Variants in PIGQ observed in about 807,000 individuals in gnomAD.
The protein encoded by PIGQ is phosphatidylinositol N-acetylglucosaminyltransferase subunit Q.
PIGQ carries 54 observed loss-of-function variants against 60.3 expected under a neutral mutation model. That is an observed-to-expected ratio of 0.90 (90% CI 0.72 to 1.12). The LOEUF (loss-of-function observed/expected upper bound fraction) is 1.12, where lower values mean the gene tolerates loss of function less well. Ranked by LOEUF, PIGQ falls within the 50% of genes most tolerant of loss-of-function variation. The pLI, the probability that PIGQ is intolerant of heterozygous loss-of-function variation, is 0.00. For missense variants in PIGQ, 799 were observed against 793.5 expected (o/e 1.01, Z -0.08); for synonymous variants, 416 against 363.7 (o/e 1.14, Z -1.64).
chr16:577,417 A>G (rs544496100), intron 4 of PIGQ, among the ~76,000 whole-genome samples: 73 of 152,096 alleles, frequency 4.8e-4, no homozygotes, highest in South Asian at 1.5e-3. Context: ...CTCTACTAAA[A>G]ATACAAAAAA....
chr16:582,444 G>A (rs1021518809), intron 10 of PIGQ, 135 bp downstream of exon 10: 7 of 666,256 alleles, frequency 1.1e-5, no homozygotes, highest in African/African-American at 7.2e-5. Flanking sequence ...TGGAGCTGAG[G>A]GGGAAGGCCC....
rs754348267 is a variant in PIGQ at position 583,123 on chromosome 16, C to A, written c.*88C>A. The stretch of plus-strand genomic sequence containing the variant: ...TGGCACCAGCTCAGCTGGCGCATGT[C>A]CTGTGCTTTGTGGACGCTGCTGTGT... On this transcript the variant is annotated 3_prime_UTR_variant, in exon 11 of 11. Coordinates refer to ENST00000321878, the MANE Select transcript of PIGQ (RefSeq NM_004204.5). 1 of 1,613,260 alleles carries A rather than the reference C, an allele frequency of 6.2e-7. No homozygotes were observed. Among genetic ancestry groups the A allele is most frequent in the Non-Finnish European group, 8.5e-7 (1 of 1,179,992 alleles).
chr16:580,133 C>G, intron 7 of PIGQ, 50 bp from the exon 8 acceptor site: 2 of 1,482,272 alleles, frequency 1.3e-6, no homozygotes, highest in South Asian at 2.4e-5. Flanking sequence ...CTGGGCCGTC[C>G]CTGGGCGCGG....
chr16:583,623 G>A lies in PIGQ; in HGVS notation c.*588G>A, dbSNP rs960978503. ...TTATTTGCGGATGTTCCCTGGAGAGGTCGCTTTGTGAAGAAACCATCAGCA... is the reference window on the plus strand; with the variant it reads ...TTATTTGCGGATGTTCCCTGGAGAGATCGCTTTGTGAAGAAACCATCAGCA... On this transcript the variant is annotated 3_prime_UTR_variant, in exon 11 of 11. Transcript: ENST00000321878. 6.2e-7 allele frequency: 1 copy of A among 1,612,740 alleles called. No individual in the cohort carries two copies. The highest frequency in any genetic ancestry group is 8.5e-7 in the Non-Finnish European group (1 of 1,179,942).
intron 1 of PIGQ, chr16:572,386 C>A: frequency 2.5e-6 from 1 of 397,398 alleles, no homozygotes; most frequent in Non-Finnish European, 5.0e-6. Context: ...CCTTGAGTGA[C>A]TGGATCCTCC....
intron 10 of PIGQ, 41 bp downstream of exon 10, chr16:582,350 C>T (rs2035827981): frequency 1.4e-6 from 2 of 1,471,454 alleles, no homozygotes; most frequent in Non-Finnish European, 1.9e-6. Context: ...CGCTGCTGCC[C>T]CTGTTCTGGG....
intron 1 of PIGQ, among the ~76,000 whole-genome samples, chr16:571,059 G>C (rs1329576202): frequency 4.5e-5 from 1 of 22,452 alleles, no homozygotes; most frequent in Non-Finnish European, 8.6e-5. Context: ...GTGTGTGTGT[G>C]TGTGTGTGTG....
At chr16:576,398 C>A in intron 4 of PIGQ, 144 bp downstream of exon 4, 1 of 1,020,732 alleles carries the variant, frequency 9.8e-7, no homozygotes. Context: ...CTCCCCTGAA[C>A]CAGAAGCAGG....
rs779696702 is a variant in PIGQ at position 582,211 on chromosome 16, C to T, written c.1532-37C>T. 2.1e-6 allele frequency: 3 copies of T among 1,450,796 alleles called. No individual in the cohort carries two copies. The Admixed American group carries it at 5.6e-5, about 27-fold the overall frequency. 89.9% of individuals were successfully genotyped at this position (1,450,796 alleles called of 1,614,324 possible). On this transcript the variant is annotated intron_variant, in intron 9 of 10. Transcript: ENST00000321878. ...TCTGCTCATGTGTGGGGCCAGCCCC[C>T]ACGCGTCCCCTCGTCAGCCGCTTGC...
At chr16:582,712 C>G (rs1362635618) in intron 10 of PIGQ, 171 bp from the exon 11 acceptor site, 7 of 753,352 alleles carry the variant, frequency 9.3e-6, no homozygotes, top group African/African-American at 1.7e-5. Context: ...GCGCTCCCTT[C>G]TGGCTGCAGG....
intron 1 of PIGQ, among the ~76,000 whole-genome samples, chr16:571,710 C>T (rs2035632770): frequency 1.3e-5 from 2 of 151,682 alleles, no homozygotes; most frequent in African/African-American, 4.9e-5. Context: ...GCTTCTCTTT[C>T]ATCTTCCTCT....
At chr16:576,300 A>C in intron 4 of PIGQ, 46 bp downstream of exon 4, 1 of 1,534,702 alleles carries the variant, frequency 6.5e-7, no homozygotes, top group Non-Finnish European at 8.8e-7. Flanking sequence ...GGGCGTGGGG[A>C]CCCCTCCTGG....
intron 5 of PIGQ, 88 bp from the exon 6 acceptor site, chr16:578,697 C>A (rs144482357): frequency 7.4e-6 from 11 of 1,496,042 alleles, no homozygotes; most frequent in Non-Finnish European, 8.3e-6. Flanking sequence ...CCAGGCTACA[C>A]GCACCTCATG....
chr16:582,458 C>A, intron 10 of PIGQ, 149 bp downstream of exon 10: 1 of 618,392 alleles, frequency 1.6e-6, no homozygotes, highest in Non-Finnish European at 2.8e-6. Context: ...AAGGCCCACG[C>A]GGGACCCCCT....
chr16:580,278 C>CA lies in PIGQ; in HGVS notation c.1416+16dup. ...TGTTCACCCTGGTGAGCTGAGCACC[C>CA]ACAGGCTGGGCCTGGCTGCAGTGCT... On this transcript the variant is annotated intron_variant, in intron 8 of 10. Coordinates refer to ENST00000321878, the MANE Select transcript of PIGQ (RefSeq NM_004204.5). 3.1e-6 allele frequency: 5 copies of CA among 1,589,092 alleles called. No homozygotes were observed. In the South Asian group the frequency reaches 5.6e-5, roughly 18 times the overall value.
At chr16:576,766 G>A (rs1287700638) in intron 4 of PIGQ, 42 of 389,126 alleles carry the variant, frequency 1.1e-4, no homozygotes, top group African/African-American at 4.1e-5. Flanking sequence ...TCTGTGCCCC[G>A]TTTCCAGCCG....
In PIGQ at chr16:571,879, G is replaced by A. The variant is rs564100341; in HGVS notation, c.-10+1783G>A. The stretch of plus-strand genomic sequence containing the variant: ...TAGCTTCTGCCCTCCCATCTCCTTC[G>A]GTAGACACAAGGCACTTTTTTTTTT... On this transcript the variant is annotated intron_variant, in intron 1 of 10. Transcript: ENST00000321878. Among the ~76,000 whole-genome samples the A allele has an allele frequency of 2.0e-5, 3 of 147,038 alleles. No individual in the cohort carries two copies. In the South Asian group the frequency reaches 7.0e-4, roughly 34 times the overall value.
At chr16:579,302 A>G (rs902721897) in intron 7 of PIGQ, 122 bp downstream of exon 7, 12 of 726,030 alleles carry the variant, frequency 1.7e-5, no homozygotes, top group East Asian at 2.7e-5. Context: ...GAGGCCGCGC[A>G]CAGGCCCTGG....
Position 574,071 on chromosome 16 carries a change from C to T in PIGQ, c.-4C>T, listed in dbSNP as rs558277113. ...CCTCTCCTCTTCTCTTCCAGCCTCC[C>T]GGCATGGTGCTCAAGGCCTTCTTCC... is the stretch of plus-strand genomic sequence containing the variant. On this transcript the variant is annotated 5_prime_UTR_variant, in exon 2 of 11. Coordinates refer to ENST00000321878, the MANE Select transcript of PIGQ (RefSeq NM_004204.5). The T allele has an allele frequency of 1.3e-4, 213 of 1,591,236 alleles. 3 individuals are homozygous for T. The South Asian group carries it at 2.1e-3, about 16-fold the overall frequency.
Sources: allele counts gnomAD v4.1 joint callset (sites outside exome capture counted in the v4.1 genomes callset), GRCh38; gene constraint gnomAD v4.1.1; transcripts MANE v1.5; gene names NCBI Gene and HGNC (gene_info 2026-07-23, HGNC 2026-07-21).